The following GPRC5C variants were observed in gnomAD, a reference collection of about 807,000 sequenced individuals.
GPRC5C encodes G protein-coupled receptor class C group 5 member C, also known as G protein-coupled receptor family C group 5 member C.
GPRC5C carries 22 observed loss-of-function variants against 31.4 expected under a neutral mutation model. The observed-to-expected ratio is 0.70, with a 90% confidence interval of 0.50 to 1.00. The LOEUF (loss-of-function observed/expected upper bound fraction) is 1.00. GPRC5C is among the 50% of genes least tolerant of loss of function. The pLI, the probability that GPRC5C is intolerant of heterozygous loss-of-function variation, is 0.00. For synonymous variants in GPRC5C, 249 were observed against 257.5 expected, an observed-to-expected ratio of 0.97 and a Z score of 0.32; for missense variants, 557 against 597.2, an observed-to-expected ratio of 0.93 and a Z score of 0.70.
At chr17:74,444,012 G>A in intron 3 of GPRC5C, 100 bp downstream of exon 3, 1 of 819,922 alleles carries the variant, frequency 1.2e-6, no homozygotes, top group Non-Finnish European at 2.0e-6. Context: ...TGGGTTGGGT[G>A]GAGGTGGTAA....
downstream of GPRC5C, chr17:74,449,203 C>G (rs2144459418): frequency 2.4e-6 from 1 of 412,326 alleles, no homozygotes; most frequent in East Asian, 7.5e-5. Context: ...TAAACTTCTC[C>G]CAAAATTCTC....
intron 1 of GPRC5C, among the ~76,000 whole-genome samples, chr17:74,435,469 G>T (rs1052964379): frequency 2.0e-5 from 3 of 152,198 alleles, no homozygotes; most frequent in Non-Finnish European, 4.4e-5. Context: ...TTCCTCTGAG[G>T]CTGTTAAGTT....
chr17:74,433,863 A>G (rs1459167362), intron 1 of GPRC5C: 17 of 862,736 alleles, frequency 2.0e-5, no homozygotes, highest in South Asian at 2.0e-4. Context: ...TGTGTGGATG[A>G]TGCTGGAGCG....
intron 3 of GPRC5C, chr17:74,446,451 C>CAAA (rs765307845): frequency 2.8e-5 from 3 of 105,824 alleles, no homozygotes; most frequent in African/African-American, 7.4e-5. Flanking sequence ...GACTCCGTCT[C>CAAA]AAAAAAAAAA....
intron 1 of GPRC5C, among the ~76,000 whole-genome samples, chr17:74,436,930 G>C (rs1240478321): frequency 6.6e-6 from 1 of 152,082 alleles, no homozygotes; most frequent in Non-Finnish European, 1.5e-5. Flanking sequence ...TTTTGTTGTT[G>C]TTGTTGTTGT....
intron 2 of GPRC5C, among the ~76,000 whole-genome samples, chr17:74,441,402 G>C (rs74889995): frequency 6.6e-6 from 1 of 151,904 alleles, no homozygotes. Context: ...AGTCCTACCC[G>C]TCCCATCCTG....
chr17:74,438,346 C>T (rs949289684), intron 1 of GPRC5C, among the ~76,000 whole-genome samples: 4 of 150,280 alleles, frequency 2.7e-5, no homozygotes, highest in Admixed American at 1.3e-4. Flanking sequence ...CTGCAACTTC[C>T]ACCTCCCGGG....
chr17:74,440,068 C>G lies in GPRC5C; in HGVS notation c.292C>G (p.Leu98Val), dbSNP rs775159281. The G allele has an allele frequency of 6.2e-7, 1 of 1,613,374 alleles. No individual in the cohort carries two copies. Among genetic ancestry groups the G allele is most frequent in the South Asian group, 1.1e-5 (1 of 91,072 alleles). The change falls in exon 2 of 4, where the codon CTG becomes GTG. Residue 98 changes from leucine (L) to valine (V), a missense_variant. By Grantham distance (32) the Leu-to-Val change is conservative. Transcript: ENST00000392627. The surrounding 1 kb of genome is among the most constrained non-coding windows in gnomAD (Gnocchi z 4.4). The stretch of plus-strand genomic sequence containing the variant: ...CCAGGTATTCTTCCTTCTGGGGACC[C>G]TGGGCCTCTTCTGCCTCGTGTTTGC... ...GTQVFFLLGT[L>V]GLFCLVFACV...
chr17:74,437,221 C>T (rs2055445004), intron 1 of GPRC5C, among the ~76,000 whole-genome samples: 4 of 152,110 alleles, frequency 2.6e-5, no homozygotes, highest in Admixed American at 1.3e-4. Flanking sequence ...CATGAGCCAC[C>T]GCACCCAGCC....
intron 2 of GPRC5C, among the ~76,000 whole-genome samples, chr17:74,441,064 G>A (rs554578494): frequency 6.6e-6 from 1 of 151,728 alleles, no homozygotes; most frequent in South Asian, 2.1e-4. Flanking sequence ...CACTTGAGAC[G>A]AGGAGTTCGA....
chr17:74,438,647 C>T (rs1233175215), intron 1 of GPRC5C, among the ~76,000 whole-genome samples: 1 of 151,980 alleles, frequency 6.6e-6, no homozygotes, highest in Non-Finnish European at 1.5e-5. Flanking sequence ...AATCTGTTCA[C>T]CTTGACCTCC....
chr17:74,449,448 A>C, downstream of GPRC5C: 5 of 864,104 alleles, frequency 5.8e-6, no homozygotes, highest in Non-Finnish European at 8.5e-6. Context: ...CACCTTTCCC[A>C]TCCTTGTCAT....
chr17:74,439,984 A>T lies in GPRC5C; in HGVS notation c.208A>T (p.Ile70Phe). 6.2e-7 allele frequency: 1 copy of T among 1,609,970 alleles called. No individual in the cohort carries two copies. Among genetic ancestry groups the T allele is most frequent in the Non-Finnish European group, 8.5e-7 (1 of 1,179,996 alleles). Reference protein sequence around the residue: ...GIVTTFVLTIILVASLPFVQD... With the variant: ...GIVTTFVLTIFLVASLPFVQD... ...TGTCACCACGTTTGTGCTCACCATC[A>T]TCCTGGTGGCCAGCCTCCCCTTTGT... Residue 70 changes from isoleucine to phenylalanine, a missense_variant, in exon 2 of 4, where the codon ATC (isoleucine) becomes TTC (phenylalanine). Ile to Phe is a conservative substitution (Grantham distance 21). Coordinates refer to ENST00000392627, the MANE Select transcript of GPRC5C (RefSeq NM_022036.4).
chr17:74,434,837 T>G (rs1052575982), intron 1 of GPRC5C, among the ~76,000 whole-genome samples: 17 of 139,000 alleles, frequency 1.2e-4, no homozygotes, highest in Middle Eastern at 8.8e-3. Context: ...GCAGGAGAAT[T>G]GCTTGAACCT....
rs1336817040 is a variant in GPRC5C, at chr17:74,446,948, G to T, written c.1246G>T (p.Ala416Ser). Residue 416 changes from alanine (A) to serine (S), a missense_variant, in exon 4 of 4, where the codon GCC becomes TCC. Physicochemically the swap from Ala to Ser is moderately conservative, Grantham distance 99. Coordinates refer to ENST00000392627, the MANE Select transcript of GPRC5C (RefSeq NM_022036.4). ...STLRAEDMYS[A>S]QSHQAATPPK... ...CCTGCGGGCTGAAGACATGTACTCGGCCCAGAGCCACCAGGCGGCCACACC... is the reference window on the plus strand; with the variant it reads ...CCTGCGGGCTGAAGACATGTACTCGTCCCAGAGCCACCAGGCGGCCACACC... 1.9e-6 allele frequency: 3 copies of T among 1,614,180 alleles called. No individual in the cohort carries two copies. Among genetic ancestry groups the T allele is most frequent in the Non-Finnish European group, 2.5e-6 (3 of 1,180,000 alleles).
intron 1 of GPRC5C, among the ~76,000 whole-genome samples, chr17:74,437,811 A>G (rs2144412128): frequency 6.6e-6 from 1 of 152,186 alleles, no homozygotes; most frequent in Non-Finnish European, 1.5e-5. Flanking sequence ...TGGCAGCCTC[A>G]CAGAAGAGAG....
chr17:74,448,829 G>A (rs997314008), downstream of GPRC5C: 14 of 1,281,140 alleles, frequency 1.1e-5, no homozygotes, highest in East Asian at 5.6e-5. Flanking sequence ...ACAGGTAAGC[G>A]AACTGACCCA....
chr17:74,432,285 G>T (rs1158733984), intron 1 of GPRC5C, 144 bp downstream of exon 1: 17 of 1,474,330 alleles, frequency 1.2e-5, no homozygotes, highest in Non-Finnish European at 1.5e-5. Flanking sequence ...CTCGCCGAAA[G>T]CAAGGAGCCC....
At chr17:74,439,104 C>T (rs887549949) in intron 1 of GPRC5C, among the ~76,000 whole-genome samples, 1 of 152,146 alleles carries the variant, frequency 6.6e-6, no homozygotes. Context: ...CTGGGGACTT[C>T]GTTTATTTCA....
Sources: allele counts gnomAD v4.1 joint callset (sites outside exome capture counted in the v4.1 genomes callset), GRCh38; gene constraint gnomAD v4.1.1; non-coding constraint Gnocchi (gnomAD v3.1); transcripts MANE v1.5; gene names NCBI Gene and HGNC (gene_info 2026-07-23, HGNC 2026-07-21).